Variants in KLHL29 observed in about 807,000 individuals in gnomAD.
KLHL29 encodes kelch like family member 29, also known as kelch-like protein 29.
A neutral mutation model predicts 80.4 loss-of-function variants in KLHL29; 21 were observed. The ratio of observed to expected loss-of-function variants is 0.26; its 90% confidence interval spans 0.19 to 0.38. The LOEUF is 0.38. KLHL29 is among the 10% of genes least tolerant of loss of function. KLHL29 has a pLI of 1.00. For synonymous variants in KLHL29, 511 were observed against 526.8 expected, an observed-to-expected ratio of 0.97 and a Z score of 0.41; for missense variants, 867 against 1,223.9, an observed-to-expected ratio of 0.71 and a Z score of 4.35.
At position 23,562,553 on chromosome 2, in the gene KLHL29, C is replaced by T; in HGVS notation, c.285+72C>T. 6.9e-7 allele frequency: 1 copy of T among 1,458,968 alleles called. No individual in the cohort carries two copies. The highest frequency in any genetic ancestry group is 9.2e-7 in the Non-Finnish European group (1 of 1,092,156). 90.4% of individuals were successfully genotyped at this position (1,458,968 alleles called of 1,614,324 possible). A position where few individuals can be genotyped will look rare whatever the true frequency, so the allele number is the denominator to read the frequency against. On this transcript the variant is annotated intron_variant, in intron 3 of 13. Coordinates refer to ENST00000486442, the MANE Select transcript of KLHL29 (RefSeq NM_052920.2). The surrounding 1 kb of genome is among the most constrained non-coding windows in gnomAD (Gnocchi z 4.5). ...TGCCTCCCTGCAGGCTCAGGCCAGC[C>T]CCACAGGCTCCTGTGGGGCAGCCTG...
At chr2:23,597,439 T>C (rs1187884877) in intron 3 of KLHL29, among the ~76,000 whole-genome samples, 11 of 75,138 alleles carry the variant, frequency 1.5e-4, no homozygotes, top group African/African-American at 3.0e-4. Context: ...TTTTTTTTTT[T>C]CTGAGACAGA....
intron 2 of KLHL29, among the ~76,000 whole-genome samples, chr2:23,484,502 T>G (rs1325611668): frequency 1.3e-5 from 2 of 152,210 alleles, no homozygotes; most frequent in Non-Finnish European, 2.9e-5. Context: ...GTTCTCTAGG[T>G]ACACAGGCAG....
intron 1 of KLHL29, among the ~76,000 whole-genome samples, chr2:23,401,385 T>C (rs982776097): frequency 2.0e-5 from 3 of 152,168 alleles, no homozygotes; most frequent in African/African-American, 7.2e-5. Context: ...CAGCTAACAA[T>C]TGACCTTCAC....
chr2:23,489,820 G>A (rs990990387), intron 2 of KLHL29, among the ~76,000 whole-genome samples: 2 of 152,088 alleles, frequency 1.3e-5, no homozygotes, highest in Admixed American at 6.5e-5. Context: ...TGGGGTGGGC[G>A]GTACCCACAC....
At chr2:23,604,053 GC>G (rs1417815497) in intron 3 of KLHL29, among the ~76,000 whole-genome samples, 2 of 152,240 alleles carry the variant, frequency 1.3e-5, no homozygotes, top group Non-Finnish European at 2.9e-5. Flanking sequence ...GTCTGGGGCA[GC>G]CCCCGAGGGG....
intron 7 of KLHL29, 132 bp from the exon 8 acceptor site, chr2:23,693,137 G>A (rs2149207189): frequency 1.8e-6 from 2 of 1,085,782 alleles, no homozygotes; most frequent in Non-Finnish European, 2.5e-6. Context: ...GGGGCCTGCA[G>A]GGACTCTGGA....
At chr2:23,673,673 CAT>C (rs1400834870) in intron 5 of KLHL29, among the ~76,000 whole-genome samples, 1 of 151,408 alleles carries the variant, frequency 6.6e-6, no homozygotes, top group African/African-American at 2.4e-5. Context: ...CACAGGGGTG[CAT>C]ACACACACCC....
chr2:23,576,952 G>A (rs897600235), intron 3 of KLHL29, among the ~76,000 whole-genome samples: 1 of 152,170 alleles, frequency 6.6e-6, no homozygotes, highest in African/African-American at 2.4e-5. Context: ...TGTCCCTGGT[G>A]GAAGAGCCAG....
Position 23,669,860 on chromosome 2 carries a change from C to T in KLHL29, c.941-14539C>T, listed in dbSNP as rs1025405137. On this transcript the variant is annotated intron_variant, in intron 5 of 13. Transcript: ENST00000486442. The surrounding 1 kb of genome is among the most constrained non-coding windows in gnomAD (Gnocchi z 4.3). ...TCCATTGGATTTGTAAAAACAGGGC[C>T]GTGGTATTATCACAGAATCTGGTAG... is the stretch of plus-strand genomic sequence containing the variant. 2.6e-5 allele frequency among the ~76,000 whole-genome samples: 4 copies of T among 152,068 alleles called. No individual in the cohort carries two copies. Among genetic ancestry groups the T allele is most frequent in the African/African-American group, 9.7e-5 (4 of 41,386 alleles).
intron 2 of KLHL29, among the ~76,000 whole-genome samples, chr2:23,555,946 G>A (rs920601591): frequency 6.6e-6 from 1 of 152,246 alleles, no homozygotes; most frequent in Non-Finnish European, 1.5e-5. Context: ...GGTTTGGGGT[G>A]CACCTGTGTG....
At chr2:23,454,667 T>G (rs891443587) in intron 1 of KLHL29, among the ~76,000 whole-genome samples, 2 of 152,182 alleles carry the variant, frequency 1.3e-5, no homozygotes, top group African/African-American at 4.8e-5. Flanking sequence ...GATTTCGTTA[T>G]TTCATTTGCA....
At chr2:23,590,850 A>G (rs1158151640) in intron 3 of KLHL29, among the ~76,000 whole-genome samples, 2 of 151,850 alleles carry the variant, frequency 1.3e-5, no homozygotes, top group Non-Finnish European at 2.9e-5. Flanking sequence ...GCATTCATTC[A>G]CTCCATAGAT....
At chr2:23,577,946 C>T (rs1361062225) in intron 3 of KLHL29, among the ~76,000 whole-genome samples, 1 of 152,128 alleles carries the variant, frequency 6.6e-6, no homozygotes, top group African/African-American at 2.4e-5. Context: ...TGACCCTGTG[C>T]CATCGAGGGA....
intron 5 of KLHL29, among the ~76,000 whole-genome samples, chr2:23,649,617 G>A (rs914326870): frequency 5.9e-5 from 9 of 152,236 alleles, no homozygotes; most frequent in South Asian, 2.1e-4. Flanking sequence ...ACGGGGCTGC[G>A]GGAGCATATG....
intron 2 of KLHL29, among the ~76,000 whole-genome samples, chr2:23,547,715 G>C (rs149468035): frequency 1.3e-5 from 2 of 151,978 alleles, no homozygotes; most frequent in Non-Finnish European, 2.9e-5. Flanking sequence ...GCCTAACAGA[G>C]TGCATGTGAA....
rs528019495 is a variant in KLHL29, at chr2:23,650,902, G to A, written c.940+8052G>A. ...CAGGCCATGGCGTGGTATGTGTGCC[G>A]CTTGTCCCCATGTGATGGAGAGGGA... On this transcript the variant is annotated intron_variant, in intron 5 of 13. Transcript: ENST00000486442. Among the ~76,000 whole-genome samples the A allele has an allele frequency of 2.2e-3, 340 of 152,264 alleles. 2 individuals are homozygous for A. Among genetic ancestry groups the A allele is most frequent in the Non-Finnish European group, 3.6e-3 (245 of 68,034 alleles).
At chr2:23,524,142 A>G (rs1361404105) in intron 2 of KLHL29, 2 of 432,904 alleles carry the variant, frequency 4.6e-6, no homozygotes, top group Non-Finnish European at 9.7e-6. Context: ...CATTTCTCGG[A>G]AAAGGAAGCC....
At chr2:23,620,704 A>G (rs923319479) in intron 3 of KLHL29, among the ~76,000 whole-genome samples, 1 of 152,176 alleles carries the variant, frequency 6.6e-6, no homozygotes, top group Non-Finnish European at 1.5e-5. Context: ...GAAAGGTGAC[A>G]GTGATGTGGC....
intron 1 of KLHL29, among the ~76,000 whole-genome samples, chr2:23,419,045 G>T (rs574866238): frequency 6.6e-6 from 1 of 152,190 alleles, no homozygotes; most frequent in South Asian, 2.1e-4. Flanking sequence ...CCCGTCACAC[G>T]CCCCATTGGT....
Sources: allele counts gnomAD v4.1 joint callset (sites outside exome capture counted in the v4.1 genomes callset), GRCh38; gene constraint gnomAD v4.1.1; non-coding constraint Gnocchi (gnomAD v3.1); transcripts MANE v1.5; gene names NCBI Gene and HGNC (gene_info 2026-07-23, HGNC 2026-07-21).